Variants in TTC39B observed in about 807,000 individuals in gnomAD.
TTC39B encodes tetratricopeptide repeat protein 39B.
TTC39B carries 92 observed loss-of-function variants against 96.6 expected under a neutral mutation model. That is an observed-to-expected ratio of 0.95 (90% CI 0.80 to 1.13). The LOEUF (loss-of-function observed/expected upper bound fraction) is 1.13. TTC39B is among the 50% of genes most tolerant of loss of function. The pLI, the probability that TTC39B is intolerant of heterozygous loss-of-function variation, is 0.00. For missense variants in TTC39B, 955 were observed against 809.3 expected, an observed-to-expected ratio of 1.18 and a Z score of -2.18; for synonymous variants, 367 against 299.4, an observed-to-expected ratio of 1.23 and a Z score of -2.33.
At chr9:15,218,632 T>TAAAAAAAATATATATATATATATA (rs545882970) in intron 3 of TTC39B, among the ~76,000 whole-genome samples, 1 of 105,110 alleles carries the variant, frequency 9.5e-6, no homozygotes, top group African/African-American at 3.6e-5. Context: ...TTAGTCTATT[T>TAAAAAAAATATATATATATATATA]TAAATATATA....
intron 2 of TTC39B, among the ~76,000 whole-genome samples, chr9:15,236,492 C>T (rs1821788131): frequency 6.6e-6 from 1 of 152,204 alleles, no homozygotes; most frequent in Non-Finnish European, 1.5e-5. Flanking sequence ...ATTTATAGAA[C>T]ATTCTACTGA....
intron 2 of TTC39B, among the ~76,000 whole-genome samples, chr9:15,234,084 G>T (rs1358719199): frequency 2.9e-4 from 34 of 119,198 alleles, no homozygotes; most frequent in African/African-American, 9.0e-4. Context: ...GCCCGGCCGC[G>T]ACCCCATCTG....
chr9:15,177,771 T>G, exon 18 of TTC39B: 1 of 1,613,318 alleles, frequency 6.2e-7, no homozygotes, highest in Non-Finnish European at 8.5e-7. Context: ...ATCCTTTAAG[T>G]AACTTCACTA....
intron 10 of TTC39B, 65 bp from the exon 11 acceptor site, chr9:15,190,727 T>A (rs907992207): frequency 2.2e-5 from 29 of 1,312,716 alleles, no homozygotes; most frequent in African/African-American, 2.9e-5. Context: ...AGAAACTTTT[T>A]AAACATTTTT....
At chr9:15,165,768 C>CTGCCCCCATGA (rs1817506581) in exon 20 of TTC39B, 1 of 152,206 alleles carries the variant, frequency 6.6e-6, no homozygotes, top group Non-Finnish European at 1.5e-5. Context: ...ATGGGGAAAA[C>CTGCCCCCATGA]TGCCCCCATG....
intron 1 of TTC39B, among the ~76,000 whole-genome samples, chr9:15,295,485 C>T (rs570524): frequency 0.89 from 135,306 of 152,166 alleles, 60,229 homozygotes; most frequent in East Asian, 0.97. Context: ...TGAGTGACCT[C>T]GGGCCAATCA....
chr9:15,192,551 T>G (rs1330998710), intron 9 of TTC39B, 39 bp downstream of exon 9: 1 of 1,523,008 alleles, frequency 6.6e-7, no homozygotes, highest in Non-Finnish European at 9.1e-7. Context: ...CTTAGGTTCT[T>G]CTACAAAAGT....
chr9:15,178,571 T>A (rs1217288608), intron 17 of TTC39B, among the ~76,000 whole-genome samples: 1 of 152,168 alleles, frequency 6.6e-6, no homozygotes, highest in Non-Finnish European at 1.5e-5. Flanking sequence ...CAAGACCCCA[T>A]CTGATATACA....
intron 1 of TTC39B, among the ~76,000 whole-genome samples, chr9:15,272,169 A>AT (rs1191262836): frequency 6.6e-6 from 1 of 152,100 alleles, no homozygotes; most frequent in Non-Finnish European, 1.5e-5. Flanking sequence ...CTTGTGTGAG[A>AT]TTCCCATCAG....
At chr9:15,238,166 T>C (rs926969830) in intron 2 of TTC39B, among the ~76,000 whole-genome samples, 2 of 152,150 alleles carry the variant, frequency 1.3e-5, no homozygotes, top group Non-Finnish European at 2.9e-5. Flanking sequence ...CATATGGAAT[T>C]GGGAAAAGTT....
exon 20 of TTC39B, chr9:15,166,979 ATT>A (rs1371714154): frequency 3.0e-5 from 1 of 33,392 alleles, no homozygotes; most frequent in African/African-American, 1.1e-4. Flanking sequence ...ACAAACCTTT[ATT>A]TTATATATAT....
At chr9:15,307,173 A>T (rs779157606) in exon 1 of TTC39B, 1 of 1,595,058 alleles carries the variant, frequency 6.3e-7, no homozygotes, top group Non-Finnish European at 8.5e-7. Flanking sequence ...GGGAACTCAG[A>T]GCCGACTCCT....
chr9:15,187,104 G>T, intron 14 of TTC39B, 69 bp from the exon 15 acceptor site: 1 of 1,144,492 alleles, frequency 8.7e-7, no homozygotes, highest in Non-Finnish European at 1.2e-6. Flanking sequence ...TTCAAATCAG[G>T]AATGACCAAC....
chr9:15,272,489 C>G (rs528333771), intron 1 of TTC39B, among the ~76,000 whole-genome samples: 3 of 152,174 alleles, frequency 2.0e-5, no homozygotes, highest in African/African-American at 7.2e-5. Context: ...ACAGGAAAAC[C>G]TCGGTGTTTA....
chr9:15,205,292 G>A lies in TTC39B; in HGVS notation c.692-1402C>T, dbSNP rs111491295. ...AGAAAGAAGAAAGCATTTTTATGTG[G>A]ACTGTGACTGAAAATAGGGTATTTC... On this transcript the variant is annotated intron_variant, in intron 6 of 19. Coordinates refer to ENST00000512701, the Ensembl canonical transcript of TTC39B. Among the ~76,000 whole-genome samples the A allele has an allele frequency of 4.9e-3, 743 of 152,204 alleles. 3 individuals carry two copies. The highest frequency in any genetic ancestry group is 6.4e-3 in the Admixed American group (98 of 15,290).
chr9:15,182,382 C>G, exon 17 of TTC39B: 1 of 1,611,634 alleles, frequency 6.2e-7, no homozygotes, highest in Non-Finnish European at 8.5e-7. Flanking sequence ...CTTTTGCTCA[C>G]TATTGAAAAA....
intron 6 of TTC39B, among the ~76,000 whole-genome samples, chr9:15,206,167 C>T (rs569360050): frequency 6.6e-6 from 1 of 152,298 alleles, no homozygotes; most frequent in South Asian, 2.1e-4. Context: ...TATTAAATCC[C>T]TTTCACATCC....
intron 1 of TTC39B, among the ~76,000 whole-genome samples, chr9:15,278,979 A>G (rs1445955147): frequency 1.3e-5 from 2 of 152,234 alleles, no homozygotes; most frequent in Non-Finnish European, 2.9e-5. Flanking sequence ...TGAGGAAACT[A>G]AGGCTCAGAG....
At chr9:15,281,352 C>A (rs190697103) in intron 1 of TTC39B, among the ~76,000 whole-genome samples, 2 of 152,030 alleles carry the variant, frequency 1.3e-5, no homozygotes, top group African/African-American at 4.8e-5. Context: ...ACAGTAAGTA[C>A]GAAATAATGT....
Sources: allele counts gnomAD v4.1 joint callset (sites outside exome capture counted in the v4.1 genomes callset), GRCh38; gene constraint gnomAD v4.1.1; transcripts MANE v1.5; gene names NCBI Gene and HGNC (gene_info 2026-07-23, HGNC 2026-07-21).